Variants in ELK3 observed in about 807,000 individuals in gnomAD.
ELK3 encodes the protein ETS transcription factor ELK3, also known as ETS domain-containing protein Elk-3.
Under a neutral mutation model 28.9 loss-of-function variants are expected in ELK3, and 10 were observed. That is an observed-to-expected ratio of 0.35 (90% CI 0.21 to 0.59). The LOEUF (loss-of-function observed/expected upper bound fraction) is 0.59. Among genes scored for constraint, ELK3 ranks in the 20% least tolerant of loss-of-function variants. The probability of loss-of-function intolerance (pLI) is 0.82; values close to 1 mark genes in which losing one functional copy is unlikely to be tolerated. For missense variants in ELK3, 463 were observed against 517.3 expected (o/e 0.90, Z 1.02); for synonymous variants, 272 against 243.5 (o/e 1.12, Z -1.09).
At position 96,267,810 on chromosome 12, in the gene ELK3, A is replaced by G. The variant is rs1436856485; in HGVS notation, c.*630A>G. 1 of 141,366 alleles carries G rather than the reference A, an allele frequency of 7.1e-6. No individual in the cohort carries two copies. Among genetic ancestry groups the G allele is most frequent in the Non-Finnish European group, 1.5e-5 (1 of 65,052 alleles). The allele number at this position is 141,366 out of a possible 1,614,324, so 8.8% of individuals were successfully genotyped here. A position where few individuals can be genotyped will look rare whatever the true frequency, so the allele number is the denominator to read the frequency against. On this transcript the variant is annotated 3_prime_UTR_variant, in exon 5 of 5. Coordinates refer to ENST00000228741, the MANE Select transcript of ELK3 (RefSeq NM_005230.4). ...TAATGTTTTTATAATAAACTAAGCCATATTTAGACAATAAACATTGATAAA... is the reference window on the plus strand; with the variant it reads ...TAATGTTTTTATAATAAACTAAGCCGTATTTAGACAATAAACATTGATAAA...
At chr12:96,225,833 G>A (rs1951695230) in intron 2 of ELK3, among the ~76,000 whole-genome samples, 1 of 152,168 alleles carries the variant, frequency 6.6e-6, no homozygotes, top group Non-Finnish European at 1.5e-5. Flanking sequence ...AAGAAGTTTT[G>A]TTTATTACCA....
At chr12:96,258,725 G>T (rs965983435) in intron 3 of ELK3, among the ~76,000 whole-genome samples, 1 of 152,142 alleles carries the variant, frequency 6.6e-6, no homozygotes, top group East Asian at 1.9e-4. Context: ...CCTCCTGCTG[G>T]CTTGCAGGCC....
intron 2 of ELK3, among the ~76,000 whole-genome samples, chr12:96,229,073 C>T (rs532297003): frequency 6.6e-6 from 1 of 152,134 alleles, no homozygotes; most frequent in Non-Finnish European, 1.5e-5. Context: ...GCTCTGGTAC[C>T]TCGGACAGGG....
At chr12:96,233,447 C>T (rs1276414781) in intron 2 of ELK3, among the ~76,000 whole-genome samples, 3 of 152,172 alleles carry the variant, frequency 2.0e-5, no homozygotes, top group African/African-American at 7.2e-5. Flanking sequence ...TTGGCTTAGC[C>T]TCACGATGTA....
At chr12:96,239,824 T>C (rs922675132) in intron 2 of ELK3, among the ~76,000 whole-genome samples, 1 of 152,196 alleles carries the variant, frequency 6.6e-6, no homozygotes, top group African/African-American at 2.4e-5. Context: ...GGCAGCATGG[T>C]TTCTGCTCTG....
intron 1 of ELK3, among the ~76,000 whole-genome samples, chr12:96,210,561 G>GCGCACACACACACACACA (rs1555193024): frequency 3.4e-4 from 49 of 144,842 alleles, no homozygotes; most frequent in Admixed American, 2.0e-3. Context: ...GCGCGCGGGC[G>GCGCACACACACACACACA]CACGCACACA....
At chr12:96,262,017 CTTTTTT>C (rs57348208) in intron 4 of ELK3, among the ~76,000 whole-genome samples, 1 of 115,642 alleles carries the variant, frequency 8.6e-6, no homozygotes, top group Non-Finnish European at 1.9e-5. Flanking sequence ...CTGATAAAAA[CTTTTTT>C]TTTTTTTTTT....
intron 1 of ELK3, among the ~76,000 whole-genome samples, chr12:96,211,028 C>G (rs1481520647): frequency 6.6e-6 from 1 of 152,170 alleles, no homozygotes; most frequent in Admixed American, 6.5e-5. Context: ...GCTCTGTTGG[C>G]CCATTTTACC....
chr12:96,223,823 T>C, intron 2 of ELK3, 50 bp downstream of exon 2: 1 of 1,547,322 alleles, frequency 6.5e-7, no homozygotes, highest in South Asian at 1.1e-5. Flanking sequence ...TGGAATCCCC[T>C]CTGCGTAGTT....
At chr12:96,244,719 C>T (rs34123371) in intron 2 of ELK3, among the ~76,000 whole-genome samples, 6,263 of 152,184 alleles carry the variant, frequency 0.041, 143 homozygotes, top group Middle Eastern at 0.051. Context: ...GCGAAGGAAG[C>T]ATTAACACAC....
intron 1 of ELK3, among the ~76,000 whole-genome samples, chr12:96,210,598 C>CA (rs1555193043): frequency 1.4e-5 from 2 of 138,706 alleles, no homozygotes; most frequent in Non-Finnish European, 3.1e-5. Context: ...CACACACACA[C>CA]CCCGAGTGGG....
chr12:96,198,616 A>G (rs1951487786), intron 1 of ELK3, among the ~76,000 whole-genome samples: 1 of 152,242 alleles, frequency 6.6e-6, no homozygotes, highest in South Asian at 2.1e-4. Flanking sequence ...TGCTAGCAGA[A>G]TAGTATCTTC....
chr12:96,215,627 AC>A (rs998903617), intron 1 of ELK3, among the ~76,000 whole-genome samples: 3 of 140,222 alleles, frequency 2.1e-5, no homozygotes, highest in African/African-American at 5.4e-5. Flanking sequence ...GGGACATAAA[AC>A]CTTTTTTTTT....
At chr12:96,250,689 C>T (rs980737083) in intron 3 of ELK3, among the ~76,000 whole-genome samples, 5 of 152,190 alleles carry the variant, frequency 3.3e-5, no homozygotes, top group African/African-American at 1.2e-4. Context: ...CTTACCTGAG[C>T]ACTTTGTCAC....
intron 1 of ELK3, among the ~76,000 whole-genome samples, chr12:96,209,758 T>A (rs1301410590): frequency 6.6e-6 from 1 of 152,240 alleles, no homozygotes; most frequent in Non-Finnish European, 1.5e-5. Context: ...TACAGTGTAC[T>A]GATCAAAAGG....
chr12:96,228,442 A>AAAAAAAAAAAAAAAAG lies in ELK3; in HGVS notation c.207+4671_207+4672insAAAAAAAAAAAAAGAA, dbSNP rs761298726. Among the ~76,000 whole-genome samples the AAAAAAAAAAAAAAAAG allele has an allele frequency of 1.3e-4, 19 of 142,644 alleles. 2 individuals are homozygous for AAAAAAAAAAAAAAAAG. Among genetic ancestry groups the AAAAAAAAAAAAAAAAG allele is most frequent in the South Asian group, 4.5e-4 (2 of 4,436 alleles). The allele number at this position is 142,644 out of a possible 152,430, so 93.6% of individuals were successfully genotyped here. A position where few individuals can be genotyped will look rare whatever the true frequency, so the allele number is the denominator to read the frequency against. On this transcript the variant is annotated intron_variant, in intron 2 of 4. Coordinates refer to ENST00000228741, the MANE Select transcript of ELK3 (RefSeq NM_005230.4). ...AAAAAAAAAAAAAAAAAAAAAAAAA[A>AAAAAAAAAAAAAAAAG]AAGAAGATCAAAACCTTTGTTGCTA...
intron 4 of ELK3, among the ~76,000 whole-genome samples, chr12:96,266,853 A>G (rs141857573): frequency 6.8e-4 from 103 of 152,350 alleles, no homozygotes; most frequent in Admixed American, 1.8e-3. Context: ...TAGCCTATGC[A>G]TATAGAATAA....
intron 1 of ELK3, chr12:96,197,979 G>T (rs1329483509): frequency 6.6e-6 from 1 of 152,156 alleles, no homozygotes; most frequent in Non-Finnish European, 1.5e-5. Context: ...ATTGGATTTT[G>T]TGTGTTCTGT....
At chr12:96,250,331 CA>C (rs1272561660) in intron 3 of ELK3, among the ~76,000 whole-genome samples, 1 of 152,172 alleles carries the variant, frequency 6.6e-6, no homozygotes, top group African/African-American at 2.4e-5. Context: ...GGGTGGTAGT[CA>C]GGGGTGTGGT....
Sources: allele counts gnomAD v4.1 joint callset (sites outside exome capture counted in the v4.1 genomes callset), GRCh38; gene constraint gnomAD v4.1.1; transcripts MANE v1.5; gene names NCBI Gene and HGNC (gene_info 2026-07-23, HGNC 2026-07-21).